Variants in ABCC12 observed in about 807,000 individuals in gnomAD.
ABCC12 encodes ATP binding cassette subfamily C member 12.
Under a neutral mutation model 151.1 loss-of-function variants are expected in ABCC12, and 142 were observed. That is an observed-to-expected ratio of 0.94 (90% CI 0.82 to 1.08). The LOEUF is 1.08. ABCC12 is among the 50% of genes least tolerant of loss of function. The pLI, the probability that ABCC12 is intolerant of heterozygous loss-of-function variation, is 0.00. For missense variants in ABCC12, 1,638 were observed against 1,691.1 expected, an observed-to-expected ratio of 0.97 and a Z score of 0.55; for synonymous variants, 645 against 646.4, an observed-to-expected ratio of 1.00 and a Z score of 0.03.
chr16:48,135,661 C>T (rs1318093135), intron 8 of ABCC12, among the ~76,000 whole-genome samples: 3 of 152,122 alleles, frequency 2.0e-5, no homozygotes, highest in East Asian at 1.9e-4. Context: ...TGAGACATCT[C>T]CCTATTTTTA....
At chr16:48,131,783 C>G (rs774555720) in intron 9 of ABCC12, among the ~76,000 whole-genome samples, 61 of 152,170 alleles carry the variant, frequency 4.0e-4, no homozygotes, top group Middle Eastern at 3.2e-3. Flanking sequence ...GGACACGGCC[C>G]CAGGCTTCAA....
intron 27 of ABCC12, 93 bp downstream of exon 27, chr16:48,087,833 A>G (rs566203271): frequency 7.2e-7 from 1 of 1,391,814 alleles, no homozygotes; most frequent in East Asian, 2.3e-5. Context: ...GAACAGCTCC[A>G]GGCCAGCCAT....
At chr16:48,138,550 T>G (rs1197048279) in intron 7 of ABCC12, among the ~76,000 whole-genome samples, 175 bp from the exon 8 acceptor site, 1 of 152,116 alleles carries the variant, frequency 6.6e-6, no homozygotes, top group Non-Finnish European at 1.5e-5. Flanking sequence ...AGGAACACCA[T>G]GGGGGGTCAG....
chr16:48,142,027 T>A (rs1964833504), intron 4 of ABCC12, among the ~76,000 whole-genome samples: 1 of 152,018 alleles, frequency 6.6e-6, no homozygotes, highest in South Asian at 2.1e-4. Flanking sequence ...TAAAGAAAAG[T>A]GGACAGAGAG....
At position 48,115,495 on chromosome 16, in the gene ABCC12, C is replaced by T. The variant is rs147110729; in HGVS notation, c.1909G>A (p.Val637Met). The part of the protein sequence containing the change: ...DDPLSAVDAH[V>M]GKHVFEECIK... Reference sequence around the variant, plus strand: ...CACTCCTCAAAGACGTGCTTCCCCACGTGGGCGTCCACGGCCGACAGGGGG... The same window carrying T: ...CACTCCTCAAAGACGTGCTTCCCCATGTGGGCGTCCACGGCCGACAGGGGG... Residue 637 changes from valine (V) to methionine (M), a missense_variant, in exon 15 of 31, where the codon GTG (valine) becomes ATG (methionine). Physicochemically the swap from Val to Met is conservative, Grantham distance 21 (BLOSUM62 1). Coordinates refer to ENST00000311303, the MANE Select transcript of ABCC12 (RefSeq NM_001393797.1). 21 of 1,614,120 alleles carry T rather than the reference C, an allele frequency of 1.3e-5. No homozygotes were observed. Among genetic ancestry groups the T allele is most frequent in the African/African-American group, 8.0e-5 (6 of 74,952 alleles).
intron 4 of ABCC12, among the ~76,000 whole-genome samples, chr16:48,143,127 G>C (rs1365807122): frequency 6.6e-6 from 1 of 152,192 alleles, no homozygotes; most frequent in Non-Finnish European, 1.5e-5. Flanking sequence ...AATATATTTT[G>C]TAATATAAAA....
chr16:48,137,284 C>T (rs1191062861), intron 8 of ABCC12, among the ~76,000 whole-genome samples: 1 of 152,212 alleles, frequency 6.6e-6, no homozygotes, highest in Non-Finnish European at 1.5e-5. Flanking sequence ...CTCATAAAAG[C>T]AGGAAACTTT....
chr16:48,144,005 G>T lies in ABCC12; in HGVS notation c.180C>A (p.Leu60=). 6.2e-7 allele frequency: 1 copy of T among 1,614,196 alleles called. No homozygotes were observed. The highest frequency in any genetic ancestry group is 8.5e-7 in the Non-Finnish European group (1 of 1,180,032). Residue 60 remains leucine (L), a synonymous_variant, in exon 4 of 31, where the codon CTC becomes CTA. Transcript: ENST00000311303. ...GLLSFATFSW[L]TPVMVKGYRQ... is the part of the protein sequence containing the mutation. ...GGTAGCCTTTCACCATCACCGGCGT[G>T]AGCCAGGAAAATGTGGCGAAGGAGA...
In ABCC12 at chr16:48,128,694, G is replaced by A. The variant is rs1222299007; in HGVS notation, c.1280C>T (p.Pro427Leu). 2.5e-6 allele frequency: 4 copies of A among 1,614,064 alleles called. No homozygotes were observed. Among genetic ancestry groups the A allele is most frequent in the Non-Finnish European group, 3.4e-6 (4 of 1,180,026 alleles). ...DKSPPSYITQ[P>L]EDPDTVLLLA... is the part of the protein sequence containing the mutation. ...AAGCAAGACAGTATCTGGGTCTTCT[G>A]GTTGGGTGATGTAAGATGGGGGGCT... is the stretch of plus-strand genomic sequence containing the variant. Residue 427 changes from proline (P) to leucine (L), a missense_variant, in exon 11 of 31, where the codon CCA becomes CTA. By Grantham distance (98) the Pro-to-Leu change is moderately conservative. Coordinates refer to ENST00000311303, the MANE Select transcript of ABCC12 (RefSeq NM_001393797.1).
At chr16:48,125,871 A>G (rs1173672138) in intron 11 of ABCC12, among the ~76,000 whole-genome samples, 15 of 152,238 alleles carry the variant, frequency 9.9e-5, no homozygotes, top group Non-Finnish European at 1.0e-4. Context: ...AGTGATCCAC[A>G]CAGAGGTCTC....
chr16:48,155,045 C>G (rs1021712485), intron 1 of ABCC12, among the ~76,000 whole-genome samples: 2 of 152,364 alleles, frequency 1.3e-5, no homozygotes, highest in Admixed American at 1.3e-4. Context: ...CTGTCTGTCC[C>G]CAGGTCCCAG....
intron 24 of ABCC12, among the ~76,000 whole-genome samples, chr16:48,096,472 T>G (rs1280819957): frequency 6.6e-6 from 1 of 152,204 alleles, no homozygotes; most frequent in Non-Finnish European, 1.5e-5. Context: ...GGAAATGCTT[T>G]CTTTCTGCTT....
chr16:48,146,554 C>T, intron 2 of ABCC12, 80 bp from the exon 3 acceptor site: 1 of 722,466 alleles, frequency 1.4e-6, no homozygotes, highest in Non-Finnish European at 2.4e-6. Context: ...TTACCCAGAT[C>T]AGTTCCTTTG....
intron 15 of ABCC12, among the ~76,000 whole-genome samples, chr16:48,114,217 C>T (rs1262934356): frequency 2.0e-5 from 3 of 152,132 alleles, no homozygotes; most frequent in Admixed American, 6.5e-5. Context: ...GAGCTTATTC[C>T]GGGACCAGAA....
At position 48,143,904 on chromosome 16, in the gene ABCC12, T is replaced by C. The variant is rs779624240; in HGVS notation, c.275+6A>G. The C allele has an allele frequency of 1.7e-5, 28 of 1,612,660 alleles. No homozygotes were observed. In the South Asian group the frequency reaches 2.5e-4, roughly 15 times the overall value. Reference sequence around the variant, plus strand: ...CTAATACAGTGACCCAAGCAAATCCTGGTACCTTTTGGCATTGGTGTCAGA... The same window carrying C: ...CTAATACAGTGACCCAAGCAAATCCCGGTACCTTTTGGCATTGGTGTCAGA... On this transcript the variant is annotated splice_donor_region_variant and intron_variant, in intron 4 of 30. Coordinates refer to ENST00000311303, the MANE Select transcript of ABCC12 (RefSeq NM_001393797.1).
rs1962354467 is a variant in ABCC12, at chr16:48,081,804, T to C, written c.*1911A>G. ...TCTGAAGGAGCAGCAGGGATCATTG[T>C]AGTCTATCCTCTGTCCTCATGAAAA... On this transcript the variant is annotated 3_prime_UTR_variant, in exon 31 of 31. Coordinates refer to ENST00000311303, the MANE Select transcript of ABCC12 (RefSeq NM_001393797.1). 6.6e-6 allele frequency among the ~76,000 whole-genome samples: 1 copy of C among 152,172 alleles called. No homozygotes were observed. The highest frequency in any genetic ancestry group is 1.5e-5 in the Non-Finnish European group (1 of 68,012).
Position 48,087,981 on chromosome 16 carries a change from TG to T in ABCC12, c.3579del (p.Arg1194GlufsTer4), listed in dbSNP as rs1471791962. 6.2e-7 allele frequency: 1 copy of T among 1,614,228 alleles called. No homozygotes were observed. Among genetic ancestry groups the T allele is most frequent in the Non-Finnish European group, 8.5e-7 (1 of 1,180,042 alleles). ...TGTGGGATCACAGTCAGCTTGGTTC[TG>T]AGGTCTTCCAAGCTGAGAATGCAGA... Reference protein sequence around the residue: ...VDICILSLEDLRTKLTVIPQD... With the variant: ...VDICILSLEDXRTKLTVIPQD... On this transcript the variant is annotated frameshift_variant, in exon 27 of 31. Coordinates refer to ENST00000311303, the MANE Select transcript of ABCC12 (RefSeq NM_001393797.1). LOFTEE classifies it high-confidence loss of function.
intron 25 of ABCC12, among the ~76,000 whole-genome samples, chr16:48,089,749 T>G (rs940576037): frequency 3.9e-5 from 6 of 152,228 alleles, no homozygotes; most frequent in South Asian, 2.1e-4. Flanking sequence ...ATATTTTTAG[T>G]TTAAGAAATC....
intron 8 of ABCC12, among the ~76,000 whole-genome samples, chr16:48,137,268 C>T (rs1362405784): frequency 6.6e-6 from 1 of 152,206 alleles, no homozygotes; most frequent in African/African-American, 2.4e-5. Context: ...ATCTTATCCT[C>T]CCTTACTCAT....
Sources: gnomAD v4.1 joint callset for allele counts (sites outside exome capture counted in the v4.1 genomes callset) on GRCh38, gnomAD v4.1.1 for gene constraint, MANE v1.5 for transcripts, NCBI Gene and HGNC (gene_info 2026-07-23, HGNC 2026-07-21) for gene names.